MAP3K20: variants seen among roughly 807,000 people sequenced by gnomAD.
MAP3K20 encodes HCCS-4.
A neutral mutation model predicts 85.7 loss-of-function variants in MAP3K20; 40 were observed. The ratio of observed to expected loss-of-function variants is 0.47; its 90% CI spans 0.36 to 0.61. The LOEUF is 0.61. Among genes scored for constraint, MAP3K20 ranks in the 20% least tolerant of loss-of-function variants. MAP3K20 has a pLI of 0.00. For missense variants in MAP3K20, 817 were observed against 961.7 expected (o/e 0.85, Z 1.99); for synonymous variants, 325 against 327.7 (o/e 0.99, Z 0.09).
chr2:173,095,754 A>G (rs866126624), intron 2 of MAP3K20, among the ~76,000 whole-genome samples: 1 of 152,220 alleles, frequency 6.6e-6, no homozygotes, highest in Non-Finnish European at 1.5e-5. Context: ...TTTCTCTTCC[A>G]TTTGGAAGAA....
In MAP3K20 at chr2:173,076,014, G is replaced by A; in HGVS notation, c.-35+12G>A. The A allele has an allele frequency of 4.1e-6, 4 of 984,488 alleles. No homozygotes were observed. The highest frequency in any genetic ancestry group is 4.8e-6 in the Non-Finnish European group (4 of 829,484). The allele number at this position is 984,488 out of a possible 1,614,324, so 61.0% of individuals were successfully genotyped here. A position where few individuals can be genotyped will look rare whatever the true frequency, so the allele number is the denominator to read the frequency against. On this transcript the variant is annotated intron_variant, in intron 1 of 19. Coordinates refer to ENST00000375213, the MANE Select transcript of MAP3K20 (RefSeq NM_016653.3). The stretch of plus-strand genomic sequence containing the variant: ...CGCCCGGGAGCCAGGTAGGGGTCAG[G>A]CTGGAGCCCGCGGAGGGCGGGGAGG...
intron 16 of MAP3K20, among the ~76,000 whole-genome samples, chr2:173,247,601 G>A (rs1376394754): frequency 6.6e-6 from 1 of 152,140 alleles, no homozygotes; most frequent in Non-Finnish European, 1.5e-5. Context: ...TATCTAAGAT[G>A]AATAAGTTCT....
In MAP3K20 at chr2:173,156,283, ATC is replaced by A. The variant is rs1427186731; in HGVS notation, c.160-13518_160-13517del. 2.0e-5 allele frequency among the ~76,000 whole-genome samples: 3 copies of A among 152,086 alleles called. 1 individual carries two copies. In the South Asian group the frequency reaches 6.2e-4, roughly 32 times the overall value. On this transcript the variant is annotated intron_variant, in intron 2 of 19. Coordinates refer to ENST00000375213, the MANE Select transcript of MAP3K20 (RefSeq NM_016653.3). Reference sequence around the variant, plus strand: ...CTTGTTTAAAGCACTGTTATTTTGGATCTCTGTTTCTTTTAGTAGAACCCCAT... The same window carrying A: ...CTTGTTTAAAGCACTGTTATTTTGGATCTGTTTCTTTTAGTAGAACCCCAT...
chr2:173,232,547 A>G, intron 14 of MAP3K20, 88 bp downstream of exon 14: 2 of 1,550,056 alleles, frequency 1.3e-6, no homozygotes, highest in African/African-American at 2.7e-5. Flanking sequence ...TCTGTTGCCC[A>G]GGCTGGAGTG....
In MAP3K20 at chr2:173,163,976, T is replaced by C. The variant is rs78321028; in HGVS notation, c.160-5829T>C. 2.3e-4 allele frequency among the ~76,000 whole-genome samples: 35 copies of C among 152,100 alleles called. No individual in the cohort carries two copies. In the South Asian group the frequency reaches 7.1e-3, roughly 31 times the overall value. ...TTATTTCTTGACTTTTTTTTTTTTTTCTGAGACGGAGTCTAGCTCTGTCGC... is the reference window on the plus strand; with the variant it reads ...TTATTTCTTGACTTTTTTTTTTTTTCCTGAGACGGAGTCTAGCTCTGTCGC... On this transcript the variant is annotated intron_variant, in intron 2 of 19. Coordinates refer to ENST00000375213, the MANE Select transcript of MAP3K20 (RefSeq NM_016653.3).
chr2:173,222,212 C>CAA (rs35570890), intron 11 of MAP3K20: 21 of 980,384 alleles, frequency 2.1e-5, no homozygotes, highest in South Asian at 4.7e-5. Context: ...TCTCAAAAAA[C>CAA]AAAAAAAAGA....
intron 16 of MAP3K20, among the ~76,000 whole-genome samples, chr2:173,253,159 C>A (rs762124749): frequency 1.3e-5 from 2 of 152,218 alleles, no homozygotes; most frequent in Non-Finnish European, 2.9e-5. Flanking sequence ...TCACACCTTC[C>A]TGCCCATCAA....
intron 2 of MAP3K20, among the ~76,000 whole-genome samples, chr2:173,093,007 C>T (rs955294375): frequency 3.9e-5 from 6 of 152,096 alleles, no homozygotes; most frequent in African/African-American, 1.4e-4. Context: ...AAAAACAAAA[C>T]CTCCACTTTT....
At chr2:173,160,337 A>G (rs1049017468) in intron 2 of MAP3K20, 6 of 152,174 alleles carry the variant, frequency 3.9e-5, no homozygotes, top group Non-Finnish European at 8.8e-5. Context: ...AAAATCCTCC[A>G]AGCCTGCTTT....
intron 2 of MAP3K20, among the ~76,000 whole-genome samples, chr2:173,159,337 A>G (rs1363050536): frequency 3.0e-5 from 2 of 67,008 alleles, no homozygotes; most frequent in South Asian, 5.3e-4. Flanking sequence ...GGTTGTTTCA[A>G]TGTATTTTAC....
At position 173,261,122 on chromosome 2, in the gene MAP3K20, C is replaced by T. The variant is rs1192046853; in HGVS notation, c.1536C>T (p.Cys512=). The change falls in exon 18 of 20, where the codon TGC becomes TGT. Residue 512 remains cysteine, a synonymous_variant. Transcript: ENST00000375213. Reference sequence around the variant, plus strand: ...TAGCAAAAAGTCAGACTGTGGAGTGCACTGTCACATATGAGGTAAGCTCTG... The same window carrying T: ...TAGCAAAAAGTCAGACTGTGGAGTGTACTGTCACATATGAGGTAAGCTCTG... ...VGIAKSQTVE[C]TVTYESDVRT... The T allele has an allele frequency of 6.2e-7, 1 of 1,613,578 alleles. No homozygotes were observed. The highest frequency in any genetic ancestry group is 8.5e-7 in the Non-Finnish European group (1 of 1,179,600).
At chr2:173,261,280 A>C (rs1417349953) in intron 18 of MAP3K20, 143 bp downstream of exon 18, 4 of 759,954 alleles carry the variant, frequency 5.3e-6, no homozygotes, top group Non-Finnish European at 8.2e-6. Flanking sequence ...ACATGAACAT[A>C]GGAAGATCAA....
intron 11 of MAP3K20, chr2:173,221,972 T>C (rs1684264677): frequency 1.0e-5 from 10 of 986,500 alleles, no homozygotes; most frequent in Non-Finnish European, 1.2e-5. Context: ...ACTTTTTTTT[T>C]CTTATAGCAA....
intron 9 of MAP3K20, among the ~76,000 whole-genome samples, 171 bp downstream of exon 9, chr2:173,204,041 G>A (rs1683580874): frequency 6.6e-6 from 1 of 151,956 alleles, no homozygotes; most frequent in Admixed American, 6.5e-5. Flanking sequence ...GCTTAATCTT[G>A]ATCTCTAGAG....
intron 1 of MAP3K20, among the ~76,000 whole-genome samples, chr2:173,081,191 T>C (rs543616575): frequency 1.2e-4 from 9 of 74,220 alleles, no homozygotes; most frequent in African/African-American, 2.7e-4. Flanking sequence ...AAAGACAAAT[T>C]TTTTTTTTTT....
intron 2 of MAP3K20, among the ~76,000 whole-genome samples, chr2:173,157,156 G>A (rs570572365): frequency 6.6e-6 from 1 of 152,268 alleles, no homozygotes; most frequent in East Asian, 1.9e-4. Flanking sequence ...TGTTCATCAA[G>A]CCATTAGGGG....
chr2:173,230,481 G>A (rs1684496804), intron 12 of MAP3K20, among the ~76,000 whole-genome samples: 2 of 152,066 alleles, frequency 1.3e-5, no homozygotes, highest in Non-Finnish European at 2.9e-5. Context: ...GCCTTATTCT[G>A]GCCTCCCAAG....
chr2:173,240,976 C>T (rs1433456522), intron 16 of MAP3K20, among the ~76,000 whole-genome samples: 4 of 151,992 alleles, frequency 2.6e-5, no homozygotes, highest in African/African-American at 9.7e-5. Context: ...ATGGATGGAA[C>T]CGGAGGATAT....
At chr2:173,141,805 TGAAAA>T (rs1425126004) in intron 2 of MAP3K20, among the ~76,000 whole-genome samples, 1 of 151,636 alleles carries the variant, frequency 6.6e-6, no homozygotes, top group Non-Finnish European at 1.5e-5. Context: ...AAATCATTGA[TGAAAA>T]GAGAAATGTC....
Sources: allele counts gnomAD v4.1 joint callset (sites outside exome capture counted in the v4.1 genomes callset), GRCh38; gene constraint gnomAD v4.1.1; transcripts MANE v1.5; gene names NCBI Gene and HGNC (gene_info 2026-07-23, HGNC 2026-07-21).